The following CTNNA2 variants were observed in gnomAD, a reference collection of about 807,000 sequenced individuals.
CTNNA2 encodes the protein catenin alpha-2.
A neutral mutation model predicts 101.0 loss-of-function variants in CTNNA2; 42 were observed. That is an observed-to-expected ratio of 0.42 (90% CI 0.32 to 0.54). CTNNA2 has a LOEUF of 0.54. CTNNA2 is among the 20% of genes least tolerant of loss of function. The pLI is 0.14. For missense variants in CTNNA2, 871 were observed against 1,223.1 expected (o/e 0.71, Z 4.29); for synonymous variants, 450 against 456.4 (o/e 0.99, Z 0.18).
At chr2:80,304,964 T>C in intron 7 of CTNNA2, 1 of 427,402 alleles carries the variant, frequency 2.3e-6, no homozygotes, top group Non-Finnish European at 3.1e-6. Context: ...AGGGGTAGCA[T>C]CATCCACGAC....
chr2:79,680,631 C>T (rs2104637752), intron 2 of CTNNA2, among the ~76,000 whole-genome samples: 1 of 152,210 alleles, frequency 6.6e-6, no homozygotes, highest in Non-Finnish European at 1.5e-5. Context: ...CTCATGGAGG[C>T]CATTGTTTCA....
At chr2:79,198,547 T>G (rs1673991817) in intron 2 of CTNNA2, among the ~76,000 whole-genome samples, 1 of 152,332 alleles carries the variant, frequency 6.6e-6, no homozygotes, top group South Asian at 2.1e-4. Flanking sequence ...AGTAGAATAT[T>G]AATTGCAGGT....
intron 7 of CTNNA2, among the ~76,000 whole-genome samples, chr2:80,014,796 T>C (rs909064752): frequency 1.3e-5 from 2 of 152,232 alleles, no homozygotes; most frequent in African/African-American, 4.8e-5. Context: ...TGAAAATAGA[T>C]GCACTGAATG....
intron 1 of CTNNA2, among the ~76,000 whole-genome samples, chr2:79,532,606 C>T (rs912405654): frequency 6.6e-6 from 1 of 152,038 alleles, no homozygotes; most frequent in Non-Finnish European, 1.5e-5. Context: ...TTGTTTTTCT[C>T]GCTGATGTAT....
chr2:80,312,556 G>C (rs1677692060), intron 7 of CTNNA2, among the ~76,000 whole-genome samples: 1 of 152,210 alleles, frequency 6.6e-6, no homozygotes, highest in Admixed American at 6.5e-5. Context: ...AGTGGGCAAA[G>C]AGAACCAGGA....
At chr2:80,268,989 A>G (rs1042468555) in intron 7 of CTNNA2, among the ~76,000 whole-genome samples, 1 of 152,224 alleles carries the variant, frequency 6.6e-6, no homozygotes. Context: ...GAAGAGATCT[A>G]TGTATTTCAA....
At chr2:79,496,500 C>T (rs988779312) in intron 4 of CTNNA2, among the ~76,000 whole-genome samples, 6 of 152,012 alleles carry the variant, frequency 3.9e-5, no homozygotes, top group Admixed American at 3.9e-4. Flanking sequence ...AAATTTTTCA[C>T]TCACTGGCAT....
rs1161384853 is a variant in CTNNA2, at chr2:80,462,627, C to CTTTTTTTTTTTTT, written c.1290+43029_1290+43030insTTTTTTTTTTTTT. Among the ~76,000 whole-genome samples, 8 of 114,372 alleles carry CTTTTTTTTTTTTT rather than the reference C, an allele frequency of 7.0e-5. 1 individual carries two copies. Among genetic ancestry groups the CTTTTTTTTTTTTT allele is most frequent in the African/African-American group, 3.0e-4 (8 of 26,908 alleles). 75.0% of individuals were successfully genotyped at this position (114,372 alleles called of 152,430 possible). A position where few individuals can be genotyped will look rare whatever the true frequency, so the allele number is the denominator to read the frequency against. On this transcript the variant is annotated intron_variant, in intron 9 of 18. Transcript: ENST00000402739. Reference sequence around the variant, plus strand: ...TCTCCCTTCCTTTCCTTCTTTCTTTCTTTCTTTTTTTTTTTTTTTTTTTTT... The same window carrying CTTTTTTTTTTTTT: ...TCTCCCTTCCTTTCCTTCTTTCTTTCTTTTTTTTTTTTTTTTCTTTTTTTTTTTTTTTTTTTTT...
chr2:79,536,602 T>TGTGTGTGTGTGTGTGTGA (rs1673083425), intron 1 of CTNNA2, among the ~76,000 whole-genome samples: 1 of 152,012 alleles, frequency 6.6e-6, no homozygotes, highest in Admixed American at 6.6e-5. Flanking sequence ...TGTGTGTGTG[T>TGTGTGTGTGTGTGTGTGA]TTGTGTTGAG....
At chr2:80,496,022 T>C (rs898160954) in intron 9 of CTNNA2, among the ~76,000 whole-genome samples, 4 of 114,738 alleles carry the variant, frequency 3.5e-5, no homozygotes, top group African/African-American at 6.9e-5. Flanking sequence ...ATAATGAAAA[T>C]AGAGATTAGA....
chr2:79,915,525 A>G (rs1686141006), intron 7 of CTNNA2, among the ~76,000 whole-genome samples: 1 of 152,140 alleles, frequency 6.6e-6, no homozygotes, highest in African/African-American at 2.4e-5. Flanking sequence ...TTTTGAGTGT[A>G]TTTTTAGGGA....
chr2:79,491,159 G>A (rs913113537), intron 4 of CTNNA2, among the ~76,000 whole-genome samples: 5 of 152,040 alleles, frequency 3.3e-5, no homozygotes, highest in East Asian at 3.9e-4. Context: ...TCTGAACTTC[G>A]CTTCTTGTAA....
chr2:79,398,457 A>G (rs1276863269), intron 4 of CTNNA2, among the ~76,000 whole-genome samples: 1 of 152,086 alleles, frequency 6.6e-6, no homozygotes, highest in Non-Finnish European at 1.5e-5. Flanking sequence ...TTTTTTATTC[A>G]GTAGGTCTGG....
chr2:80,313,332 C>T, intron 7 of CTNNA2: 1 of 1,293,886 alleles, frequency 7.7e-7, no homozygotes. Context: ...TGCTGCTATT[C>T]TTGTTTTTGT....
chr2:80,494,411 A>G (rs577967889), intron 9 of CTNNA2, among the ~76,000 whole-genome samples: 2 of 152,308 alleles, frequency 1.3e-5, no homozygotes, highest in African/African-American at 4.8e-5. Context: ...GAAAAGAGTA[A>G]CAGTGGCTGT....
chr2:80,581,424 C>T (rs895502254), intron 13 of CTNNA2, among the ~76,000 whole-genome samples: 1 of 152,130 alleles, frequency 6.6e-6, no homozygotes, highest in Non-Finnish European at 1.5e-5. Flanking sequence ...GGAAATAATA[C>T]ACAGATATCA....
At chr2:79,454,004 G>A (rs990782323) in intron 4 of CTNNA2, among the ~76,000 whole-genome samples, 5 of 152,046 alleles carry the variant, frequency 3.3e-5, no homozygotes, top group African/African-American at 1.2e-4. Context: ...TATAGATAAA[G>A]CCCCTCAGTT....
intron 3 of CTNNA2, among the ~76,000 whole-genome samples, chr2:79,755,203 C>T (rs1009866683): frequency 1.3e-5 from 2 of 152,060 alleles, no homozygotes; most frequent in African/African-American, 4.8e-5. Flanking sequence ...TGGTGGTGCA[C>T]ACCTGTGGTC....
chr2:79,467,206 T>C (rs1359554340), intron 4 of CTNNA2, among the ~76,000 whole-genome samples: 1 of 152,142 alleles, frequency 6.6e-6, no homozygotes, highest in Non-Finnish European at 1.5e-5. Context: ...CTGAAAACCA[T>C]GGCACGAGAA....
Sources: allele counts gnomAD v4.1 joint callset (sites outside exome capture counted in the v4.1 genomes callset), GRCh38; gene constraint gnomAD v4.1.1; transcripts MANE v1.5; gene names NCBI Gene and HGNC (gene_info 2026-07-23, HGNC 2026-07-21).